Variants in ABCB11 observed in about 807,000 individuals in gnomAD.
The protein encoded by ABCB11 is ATP binding cassette subfamily B member 11.
In ABCB11, 95 loss-of-function variants were observed where a neutral mutation model predicts 148.0. The observed-to-expected ratio is 0.64, with a 90% CI of 0.54 to 0.76. The LOEUF is 0.76. Ranked by LOEUF, ABCB11 falls within the 30% of genes least tolerant of loss-of-function variation. The pLI is 0.00. For synonymous variants in ABCB11, 591 were observed against 555.4 expected, an observed-to-expected ratio of 1.06 and a Z score of -0.90; for missense variants, 1,523 against 1,617.8, an observed-to-expected ratio of 0.94 and a Z score of 1.01.
intron 1 of ABCB11, among the ~76,000 whole-genome samples, chr2:169,029,168 C>T (rs1695787110): frequency 6.6e-6 from 1 of 152,120 alleles, no homozygotes; most frequent in Admixed American, 6.5e-5. Flanking sequence ...TTCAAGACCC[C>T]AGCGCCACAA....
intron 9 of ABCB11, among the ~76,000 whole-genome samples, chr2:168,987,526 A>C (rs1420531985): frequency 6.6e-6 from 1 of 152,080 alleles, no homozygotes; most frequent in African/African-American, 2.4e-5. Context: ...ACTCCCCAGA[A>C]TCAGGTGATC....
At chr2:169,021,997 T>C (rs368935463) in intron 1 of ABCB11, among the ~76,000 whole-genome samples, 69 of 152,030 alleles carry the variant, frequency 4.5e-4, no homozygotes, top group African/African-American at 1.6e-3. Flanking sequence ...CACACACATA[T>C]ACTCAGTAAA....
At chr2:169,019,064 C>T (rs1017134578) in intron 1 of ABCB11, among the ~76,000 whole-genome samples, 23 of 152,038 alleles carry the variant, frequency 1.5e-4, no homozygotes, top group Non-Finnish European at 1.9e-4. Flanking sequence ...GCCAGAGGAG[C>T]TAATGTGGGC....
intron 11 of ABCB11, among the ~76,000 whole-genome samples, chr2:168,978,364 G>C (rs906890973): frequency 6.6e-6 from 1 of 151,536 alleles, no homozygotes; most frequent in African/African-American, 2.4e-5. Context: ...TCAAACTCCT[G>C]GGCTCAAGCT....
At chr2:169,013,066 C>T (rs1276487475) in intron 5 of ABCB11, among the ~76,000 whole-genome samples, 1 of 152,108 alleles carries the variant, frequency 6.6e-6, no homozygotes, top group Non-Finnish European at 1.5e-5. Context: ...ACTTTCAATC[C>T]TGTTTCTATT....
At chr2:168,953,889 G>A (rs887498732) in intron 19 of ABCB11, among the ~76,000 whole-genome samples, 19 of 151,484 alleles carry the variant, frequency 1.3e-4, no homozygotes, top group Non-Finnish European at 1.5e-4. Flanking sequence ...ATCTACCTAT[G>A]ACCTGGAAGA....
intron 18 of ABCB11, among the ~76,000 whole-genome samples, chr2:168,963,099 A>AATT (rs1445955796): frequency 6.6e-6 from 1 of 151,720 alleles, no homozygotes; most frequent in African/African-American, 2.4e-5. Context: ...CACGTGTTGG[A>AATT]ATTTTATTTA....
intron 23 of ABCB11, among the ~76,000 whole-genome samples, chr2:168,932,865 C>T (rs900778772): frequency 6.6e-6 from 1 of 151,954 alleles, no homozygotes; most frequent in Non-Finnish European, 1.5e-5. Flanking sequence ...ATCCCAGCAC[C>T]TTGGGAGGCC....
chr2:169,014,238 C>T, intron 4 of ABCB11, 65 bp downstream of exon 4: 1 of 1,457,028 alleles, frequency 6.9e-7, no homozygotes, highest in Non-Finnish European at 9.6e-7. Context: ...ATTTAACACT[C>T]CCCTCATGAT....
intron 8 of ABCB11, among the ~76,000 whole-genome samples, chr2:168,993,026 A>T (rs73972738): frequency 0.049 from 7,408 of 151,946 alleles, 621 homozygotes; most frequent in African/African-American, 0.17. Context: ...AGCTGATGTG[A>T]CCCGAAATTC....
chr2:168,947,737 T>C (rs113704715), intron 19 of ABCB11, among the ~76,000 whole-genome samples: 20 of 151,826 alleles, frequency 1.3e-4, no homozygotes, highest in African/African-American at 4.8e-4. Context: ...ATCATTCTCT[T>C]AGCAAATATA....
Position 169,014,798 on chromosome 2 carries a change from T to C in ABCB11, c.99-444A>G, listed in dbSNP as rs115692571. ...AATAATGTTGATAATGATGAAAAAT[T>C]CAAGAACATGCCCACACTTTTCATA... On this transcript the variant is annotated intron_variant, in intron 3 of 27. Transcript: ENST00000650372. Among the ~76,000 whole-genome samples the C allele has an allele frequency of 1.3e-3, 191 of 152,272 alleles. 1 individual carries two copies. The highest frequency in any genetic ancestry group is 4.2e-3 in the African/African-American group (173 of 41,572).
intron 1 of ABCB11, among the ~76,000 whole-genome samples, chr2:169,026,976 A>G (rs186283422): frequency 6.6e-6 from 1 of 152,280 alleles, no homozygotes; most frequent in Admixed American, 6.5e-5. Context: ...ACACTTTTTT[A>G]GCACCTAACC....
chr2:168,989,541 TA>T, intron 9 of ABCB11, among the ~76,000 whole-genome samples: 1 of 152,212 alleles, frequency 6.6e-6, no homozygotes, highest in East Asian at 1.9e-4. Context: ...TCAAATAATC[TA>T]ATAATGATCT....
intron 12 of ABCB11, among the ~76,000 whole-genome samples, chr2:168,974,288 G>A (rs10177080): frequency 0.53 from 79,804 of 151,684 alleles, 21,413 homozygotes; most frequent in Non-Finnish European, 0.6. Context: ...ATTTTAAGCC[G>A]TCCGTCATGT....
intron 21 of ABCB11, 118 bp downstream of exon 21, chr2:168,944,487 G>T: frequency 8.7e-7 from 1 of 1,143,808 alleles, no homozygotes; most frequent in Non-Finnish European, 1.2e-6. Flanking sequence ...GTGGCTTTAG[G>T]ATATCCCAAT....
At chr2:168,956,642 C>A (rs140309887) in intron 19 of ABCB11, among the ~76,000 whole-genome samples, 2 of 151,654 alleles carry the variant, frequency 1.3e-5, no homozygotes, top group East Asian at 3.9e-4. Flanking sequence ...TCTCCCCTCT[C>A]TCTCCTTGAA....
chr2:168,933,965 C>T (rs1335131007), intron 23 of ABCB11, among the ~76,000 whole-genome samples: 11 of 152,096 alleles, frequency 7.2e-5, no homozygotes, highest in Admixed American at 6.5e-4. Flanking sequence ...GTTGGCCAGG[C>T]TGGTCTTGAA....
intron 17 of ABCB11, among the ~76,000 whole-genome samples, chr2:168,966,184 T>C (rs1693307759): frequency 6.6e-6 from 1 of 151,812 alleles, no homozygotes; most frequent in African/African-American, 2.4e-5. Context: ...TTGTGTCAGC[T>C]GGTGAGAACA....
Sources: allele counts gnomAD v4.1 joint callset (sites outside exome capture counted in the v4.1 genomes callset), GRCh38; gene constraint gnomAD v4.1.1; transcripts MANE v1.5; gene names NCBI Gene and HGNC (gene_info 2026-07-23, HGNC 2026-07-21).